Variants in ERC1 observed in about 807,000 individuals in gnomAD.
The protein encoded by ERC1 is RAB6 interacting protein 2.
A neutral mutation model predicts 132.0 loss-of-function variants in ERC1; 56 were observed. The observed-to-expected ratio is 0.42, with a 90% CI of 0.34 to 0.53. ERC1 has a LOEUF of 0.53. ERC1 is among the 20% of genes least tolerant of loss of function. The pLI is 0.03. For missense variants in ERC1, 1,202 were observed against 1,349.9 expected (o/e 0.89, Z 1.72); for synonymous variants, 478 against 476.1 (o/e 1.00, Z -0.05).
At chr12:1,056,106 A>G (rs1489784266) in intron 2 of ERC1, among the ~76,000 whole-genome samples, 1 of 151,282 alleles carries the variant, frequency 6.6e-6, no homozygotes, top group Non-Finnish European at 1.5e-5. Context: ...GAATGTCAGC[A>G]GAGAAAAACT....
chr12:1,145,242 C>G (rs1950242828), intron 8 of ERC1, among the ~76,000 whole-genome samples: 1 of 152,138 alleles, frequency 6.6e-6, no homozygotes, highest in South Asian at 2.1e-4. Flanking sequence ...GTCTTGAACT[C>G]CTGATCTCAG....
chr12:1,247,655 T>C (rs2076235921), intron 13 of ERC1, among the ~76,000 whole-genome samples: 2 of 152,226 alleles, frequency 1.3e-5, no homozygotes, highest in African/African-American at 4.8e-5. Context: ...AATGCAGATA[T>C]TATGTTCTCA....
chr12:1,221,667 A>G (rs1176518463), intron 12 of ERC1, among the ~76,000 whole-genome samples: 8 of 152,232 alleles, frequency 5.3e-5, no homozygotes, highest in South Asian at 2.1e-4. Context: ...TTTTAATTAG[A>G]TAAATAACAA....
chr12:1,114,529 C>T (rs1199418660), intron 6 of ERC1, among the ~76,000 whole-genome samples: 2 of 152,072 alleles, frequency 1.3e-5, no homozygotes, highest in Non-Finnish European at 2.9e-5. Context: ...TTGAACATCC[C>T]CCAAAATATT....
chr12:1,081,535 C>T (rs1012858998), intron 2 of ERC1, among the ~76,000 whole-genome samples: 2 of 152,110 alleles, frequency 1.3e-5, no homozygotes, highest in African/African-American at 4.8e-5. Flanking sequence ...GCAAGGATTG[C>T]TTTGAATGCC....
chr12:1,135,180 C>G (rs1949132532), intron 7 of ERC1, among the ~76,000 whole-genome samples: 1 of 152,154 alleles, frequency 6.6e-6, no homozygotes, highest in South Asian at 2.1e-4. Flanking sequence ...GCTTCCTGTT[C>G]CAACCTAACC....
intron 12 of ERC1, among the ~76,000 whole-genome samples, chr12:1,209,403 ATTTT>A (rs11361651): frequency 7.1e-6 from 1 of 141,788 alleles, no homozygotes; most frequent in Non-Finnish European, 1.5e-5. Flanking sequence ...TCTTCATAGC[ATTTT>A]TTTTTTTTTT....
chr12:1,294,378 A>AG (rs1373203172), intron 15 of ERC1, among the ~76,000 whole-genome samples: 1 of 152,222 alleles, frequency 6.6e-6, no homozygotes, highest in Non-Finnish European at 1.5e-5. Flanking sequence ...TTATGTAAAA[A>AG]GCCTCAAGTG....
chr12:1,097,521 T>C (rs964850993), intron 3 of ERC1, among the ~76,000 whole-genome samples: 3 of 152,022 alleles, frequency 2.0e-5, no homozygotes, highest in African/African-American at 7.2e-5. Context: ...CCCTATGGGG[T>C]TCAGGTAGTT....
rs1245713432 is a variant in ERC1 at position 1,493,416 on chromosome 12, G to A, written c.*3186G>A. On this transcript the variant is annotated 3_prime_UTR_variant, in exon 19 of 19. Transcript: ENST00000360905. ...AAATTAGCCAGGCGTGGTGGCGTAC[G>A]CCTGTAATCCCAGCTACTCAGGAGG... 2.4e-5 allele frequency: 4 copies of A among 165,594 alleles called. No homozygotes were observed. Among genetic ancestry groups the A allele is most frequent in the Non-Finnish European group, 2.6e-5 (2 of 75,894 alleles). The allele number at this position is 165,594 out of a possible 1,614,324, so 10.3% of individuals were successfully genotyped here.
chr12:1,428,055 T>G (rs1276019870), intron 17 of ERC1, among the ~76,000 whole-genome samples: 1 of 152,212 alleles, frequency 6.6e-6, no homozygotes, highest in African/African-American at 2.4e-5. Flanking sequence ...TATATAGCAT[T>G]TGAAGCATCT....
chr12:1,006,674 G>A (rs1253841769), intron 1 of ERC1, among the ~76,000 whole-genome samples: 1 of 151,876 alleles, frequency 6.6e-6, no homozygotes, highest in East Asian at 1.9e-4. Flanking sequence ...GGTATTGCAG[G>A]CATGTATCAC....
chr12:1,114,540 C>T (rs909008207), intron 6 of ERC1, among the ~76,000 whole-genome samples: 5 of 152,250 alleles, frequency 3.3e-5, no homozygotes, highest in African/African-American at 9.6e-5. Context: ...CCAAAATATT[C>T]ATTCATACAA....
chr12:1,293,737 A>G (rs2079678892), intron 15 of ERC1, among the ~76,000 whole-genome samples: 1 of 152,190 alleles, frequency 6.6e-6, no homozygotes, highest in Admixed American at 6.5e-5. Flanking sequence ...AGTTAACCAA[A>G]TTATATCCTA....
intron 18 of ERC1, chr12:1,480,735 G>C (rs2094073006): frequency 7.5e-6 from 5 of 665,234 alleles, no homozygotes; most frequent in Non-Finnish European, 1.4e-5. Context: ...GGTGTGGGAG[G>C]GGGTGTGGGT....
intron 8 of ERC1, among the ~76,000 whole-genome samples, chr12:1,169,207 C>T (rs898008926): frequency 6.6e-6 from 1 of 151,832 alleles, no homozygotes; most frequent in Non-Finnish European, 1.5e-5. Context: ...CTGCGATGAT[C>T]GATGCAACCT....
At chr12:1,085,487 A>ATTG (rs1300054726) in intron 3 of ERC1, among the ~76,000 whole-genome samples, 4 of 101,528 alleles carry the variant, frequency 3.9e-5, no homozygotes, top group African/African-American at 1.3e-4. Context: ...TATTATTATT[A>ATTG]TTGTTGTTGT....
intron 15 of ERC1, among the ~76,000 whole-genome samples, chr12:1,314,333 C>T (rs908528445): frequency 6.6e-6 from 1 of 151,990 alleles, no homozygotes; most frequent in African/African-American, 2.4e-5. Context: ...AATATTAAGC[C>T]TCACTTATGA....
At chr12:1,303,745 G>A (rs900598716) in intron 15 of ERC1, among the ~76,000 whole-genome samples, 4 of 151,686 alleles carry the variant, frequency 2.6e-5, no homozygotes, top group African/African-American at 7.3e-5. Flanking sequence ...ACCTGAGGTC[G>A]GGAGTTTGAG....
Sources: gnomAD v4.1 joint callset for allele counts (sites outside exome capture counted in the v4.1 genomes callset) on GRCh38, gnomAD v4.1.1 for gene constraint, MANE v1.5 for transcripts, NCBI Gene and HGNC (gene_info 2026-07-23, HGNC 2026-07-21) for gene names.